DIP2C: variants seen among roughly 807,000 people sequenced by gnomAD.
The protein encoded by DIP2C is DIP2 acetate--CoA ligase C (putative).
DIP2C carries 33 observed loss-of-function variants against 192.4 expected under a neutral mutation model. The observed-to-expected ratio is 0.17, with a 90% CI of 0.13 to 0.23. The LOEUF (loss-of-function observed/expected upper bound fraction) is 0.23, where lower values mean the gene tolerates loss of function less well. DIP2C is among the 10% of genes least tolerant of loss of function. The pLI is 1.00. For synonymous variants in DIP2C, 979 were observed against 864.1 expected (o/e 1.13, Z -2.33); for missense variants, 1,537 against 2,110.1 (o/e 0.73, Z 5.32).
intron 17 of DIP2C, chr10:369,976 T>TC (rs1300179439): frequency 1.0e-6 from 1 of 985,232 alleles, no homozygotes; most frequent in African/African-American, 1.7e-5. Context: ...CTCTCTTTCC[T>TC]CCCGGCTCCT....
chr10:403,902 G>T, intron 9 of DIP2C, among the ~76,000 whole-genome samples: 1 of 86,636 alleles, frequency 1.2e-5, no homozygotes, highest in African/African-American at 4.5e-5. Context: ...TTTGGTATGT[G>T]TTCCTCAGCA....
chr10:444,434 C>CA (rs1967992692), intron 3 of DIP2C, among the ~76,000 whole-genome samples: 1 of 150,596 alleles, frequency 6.6e-6, no homozygotes, highest in African/African-American at 2.5e-5. Flanking sequence ...ATCCGAGACT[C>CA]ATGTAGATTC....
At chr10:583,347 G>C (rs1850785276) in intron 1 of DIP2C, among the ~76,000 whole-genome samples, 1 of 152,230 alleles carries the variant, frequency 6.6e-6, no homozygotes, top group Non-Finnish European at 1.5e-5. Flanking sequence ...TTTTTAAAAA[G>C]TTTATATGGA....
chr10:627,167 C>A lies in DIP2C; in HGVS notation c.85+62327G>T, dbSNP rs1158090743. 3.3e-5 allele frequency among the ~76,000 whole-genome samples: 5 copies of A among 152,234 alleles called. No individual in the cohort carries two copies. In the East Asian group the frequency reaches 9.6e-4, roughly 29 times the overall value. ...TGTAACATCCTCCAAGGAGCCTGGCCCAGGCCTGCCCCACACACCAGGACT... is the reference window on the plus strand; with the variant it reads ...TGTAACATCCTCCAAGGAGCCTGGCACAGGCCTGCCCCACACACCAGGACT... On this transcript the variant is annotated intron_variant, in intron 1 of 36. Coordinates refer to ENST00000280886, the MANE Select transcript of DIP2C (RefSeq NM_014974.3).
intron 31 of DIP2C, among the ~76,000 whole-genome samples, chr10:315,062 C>T (rs1956717527): frequency 6.6e-6 from 1 of 152,152 alleles, no homozygotes; most frequent in Non-Finnish European, 1.5e-5. Flanking sequence ...TTTCACTTTA[C>T]CCTCTGTGTA....
chr10:648,886 G>T (rs1478939444), intron 1 of DIP2C, among the ~76,000 whole-genome samples: 1 of 150,238 alleles, frequency 6.7e-6, no homozygotes, highest in African/African-American at 2.4e-5. Context: ...TTTGAGGGTG[G>T]GAGAGAACAG....
At chr10:534,874 C>T (rs943398296) in intron 1 of DIP2C, among the ~76,000 whole-genome samples, 1 of 151,664 alleles carries the variant, frequency 6.6e-6, no homozygotes, top group African/African-American at 2.4e-5. Context: ...GACGGGGTTT[C>T]ACCTTGTTAG....
chr10:352,988 A>G (rs1473748100), intron 24 of DIP2C, among the ~76,000 whole-genome samples: 1 of 152,174 alleles, frequency 6.6e-6, no homozygotes, highest in East Asian at 1.9e-4. Flanking sequence ...TGTCCCATAA[A>G]GCAACAACCA....
chr10:542,214 C>T (rs962069933), intron 1 of DIP2C, among the ~76,000 whole-genome samples: 3 of 152,226 alleles, frequency 2.0e-5, no homozygotes, highest in Admixed American at 6.5e-5. Flanking sequence ...TCCCTGCCTG[C>T]CTCTGCGAGT....
At chr10:282,593 G>T (rs144870853) in intron 35 of DIP2C, among the ~76,000 whole-genome samples, 250 of 152,366 alleles carry the variant, frequency 1.6e-3, no homozygotes, top group African/African-American at 5.2e-3. Context: ...CTAAGGAGGT[G>T]AGAAAGGATT....
chr10:477,684 G>A (rs536928959), intron 2 of DIP2C, among the ~76,000 whole-genome samples: 14 of 142,098 alleles, frequency 9.9e-5, no homozygotes, highest in African/African-American at 3.1e-4. Context: ...ATAGATAGGA[G>A]GAAAGCGGAG....
chr10:419,922 G>A (rs1447400726), intron 5 of DIP2C, among the ~76,000 whole-genome samples: 1 of 152,184 alleles, frequency 6.6e-6, no homozygotes, highest in Non-Finnish European at 1.5e-5. Context: ...GCTGAATGGG[G>A]AAAAGCATGC....
chr10:411,419 A>G (rs1381147196), intron 8 of DIP2C, among the ~76,000 whole-genome samples: 2 of 152,210 alleles, frequency 1.3e-5, no homozygotes, highest in East Asian at 3.8e-4. Context: ...GATGTTTTAC[A>G]AGTTTATTCA....
In DIP2C at chr10:277,367, C is replaced by T; in HGVS notation, c.4629G>A (p.Leu1543=). ...KQRMHLRDGF[L]ADQLDPIYVA... ...CATAGATGGGGTCTAGCTGGTCTGC[C>T]AAAAACCCGTCTCGCAGGTGCATGC... The change falls in exon 37 of 37, where the codon TTG becomes TTA. Residue 1543 remains leucine, a synonymous_variant. Transcript: ENST00000280886. 1 of 1,614,126 alleles carries T rather than the reference C, an allele frequency of 6.2e-7. No individual in the cohort carries two copies. Among genetic ancestry groups the T allele is most frequent in the Non-Finnish European group, 8.5e-7 (1 of 1,180,028 alleles).
At chr10:642,151 A>G (rs1588659913) in intron 1 of DIP2C, among the ~76,000 whole-genome samples, 1 of 152,202 alleles carries the variant, frequency 6.6e-6, no homozygotes, top group Admixed American at 6.5e-5. Context: ...CTAAGGAAAC[A>G]TTTCTATTTT....
Position 460,914 on chromosome 10 carries a change from G to T in DIP2C, c.268+11525C>A, listed in dbSNP as rs187097823. The stretch of plus-strand genomic sequence containing the variant: ...GGGGCCAATATTCAACATTCTTAAA[G>T]AATTTTCAACCCAGAATTTCCTATC... On this transcript the variant is annotated intron_variant, in intron 3 of 36. Transcript: ENST00000280886. Among the ~76,000 whole-genome samples, 217 of 152,280 alleles carry T rather than the reference G, an allele frequency of 1.4e-3. 1 individual carries two copies. Among genetic ancestry groups the T allele is most frequent in the African/African-American group, 5.1e-3 (212 of 41,562 alleles).
At chr10:289,005 T>G (rs1955321185) in intron 32 of DIP2C, among the ~76,000 whole-genome samples, 1 of 152,378 alleles carries the variant, frequency 6.6e-6, no homozygotes, top group South Asian at 2.1e-4. Context: ...CAACCAGAGC[T>G]TCGCTAACAG....
intron 1 of DIP2C, chr10:665,572 C>A (rs1857039065): frequency 6.6e-6 from 1 of 151,998 alleles, no homozygotes; most frequent in African/African-American, 2.4e-5. Flanking sequence ...TGGTTGGGAG[C>A]GCCTGGATTT....
chr10:594,585 A>G (rs1851594508), intron 1 of DIP2C, among the ~76,000 whole-genome samples: 1 of 152,194 alleles, frequency 6.6e-6, no homozygotes, highest in Non-Finnish European at 1.5e-5. Context: ...TTTTAACATA[A>G]GGGAACGTGG....
Sources: gnomAD v4.1 joint callset for allele counts (sites outside exome capture counted in the v4.1 genomes callset) on GRCh38, gnomAD v4.1.1 for gene constraint, MANE v1.5 for transcripts, NCBI Gene and HGNC (gene_info 2026-07-23, HGNC 2026-07-21) for gene names.